ANKRD13C: variants seen among roughly 807,000 people sequenced by gnomAD.
The protein encoded by ANKRD13C is ankyrin repeat domain 13C.
ANKRD13C carries 16 observed loss-of-function variants against 65.5 expected under a neutral mutation model. That is an observed-to-expected ratio of 0.24 (90% CI 0.17 to 0.37). ANKRD13C has a LOEUF of 0.37. Ranked by LOEUF, ANKRD13C falls within the 10% of genes least tolerant of loss-of-function variation. The pLI, the probability that ANKRD13C is intolerant of heterozygous loss-of-function variation, is 1.00. For missense variants in ANKRD13C, 503 were observed against 655.9 expected (o/e 0.77, Z 2.55); for synonymous variants, 235 against 238.7 (o/e 0.98, Z 0.14).
chr1:70,316,149 C>T (rs1477148745), intron 3 of ANKRD13C, among the ~76,000 whole-genome samples: 4 of 152,110 alleles, frequency 2.6e-5, no homozygotes, highest in Non-Finnish European at 5.9e-5. Flanking sequence ...GGAGGATATA[C>T]CTTCACATAC....
chr1:70,274,881 G>A (rs895637057), intron 10 of ANKRD13C, 63 bp from the exon 11 acceptor site: 2 of 987,588 alleles, frequency 2.0e-6, no homozygotes, highest in Non-Finnish European at 3.2e-6. Flanking sequence ...TTCCTAAGAA[G>A]CATCTGTCAT....
At chr1:70,274,029 T>TA (rs141551880) in intron 11 of ANKRD13C, among the ~76,000 whole-genome samples, 2,321 of 152,240 alleles carry the variant, frequency 0.015, 56 homozygotes, top group African/African-American at 0.054. Context: ...ATTTTTATTT[T>TA]AAAAAATGCA....
At chr1:70,326,729 T>C (rs1681561580) in intron 2 of ANKRD13C, among the ~76,000 whole-genome samples, 1 of 152,094 alleles carries the variant, frequency 6.6e-6, no homozygotes, top group Non-Finnish European at 1.5e-5. Context: ...AACAGACATG[T>C]TGCATCTACA....
rs59618915 is a variant in ANKRD13C at position 70,326,231 on chromosome 1, C to CAAA, written c.473-1277_473-1275dup. 6.5e-3 allele frequency among the ~76,000 whole-genome samples: 202 copies of CAAA among 31,096 alleles called. 13 individuals carry two copies. The highest frequency in any genetic ancestry group is 0.011 in the East Asian group (10 of 876). 20.4% of individuals were successfully genotyped at this position (31,096 alleles called of 152,430 possible). ...GGGCAACAAGAGCCAAACTCTGTCT[C>CAAA]AAAAAAAAAAAAAAAAAAAAAAAAA... On this transcript the variant is annotated intron_variant, in intron 2 of 12. Transcript: ENST00000370944.
intron 9 of ANKRD13C, among the ~76,000 whole-genome samples, chr1:70,277,127 TA>T (rs2101147998): frequency 6.6e-6 from 1 of 152,314 alleles, no homozygotes; most frequent in Non-Finnish European, 1.5e-5. Flanking sequence ...CCTGTCATTA[TA>T]CTAGCTGCTG....
In ANKRD13C at chr1:70,260,764, G is replaced by A. The variant is rs576358087; in HGVS notation, c.*1953C>T. On this transcript the variant is annotated 3_prime_UTR_variant, in exon 13 of 13. Transcript: ENST00000370944. The stretch of plus-strand genomic sequence containing the variant: ...AAAGCTTTAAAAACAAAATTCAAGT[G>A]CAAAAATTTCCAGTAGTCTTCCTAC... The A allele has an allele frequency of 4.6e-5, 7 of 152,116 alleles. No individual in the cohort carries two copies. Among genetic ancestry groups the A allele is most frequent in the Admixed American group, 3.9e-4 (6 of 15,284 alleles). The allele number at this position is 152,116 out of a possible 1,614,324, so 9.4% of individuals were successfully genotyped here.
intron 12 of ANKRD13C, among the ~76,000 whole-genome samples, chr1:70,265,163 G>A (rs1223051417): frequency 1.3e-5 from 2 of 152,154 alleles, no homozygotes; most frequent in Non-Finnish European, 2.9e-5. Flanking sequence ...GGAAGGGTGT[G>A]ACCGGGGTAG....
At chr1:70,288,787 G>T (rs974058443) in intron 9 of ANKRD13C, among the ~76,000 whole-genome samples, 1 of 152,126 alleles carries the variant, frequency 6.6e-6, no homozygotes, top group African/African-American at 2.4e-5. Flanking sequence ...GTACATGAGG[G>T]ATCGTATGGT....
Position 70,262,642 on chromosome 1 carries a change from C to T in ANKRD13C, c.*75G>A. ...CCTTTTCTTCACTGAAAGCATTTGT[C>T]CCTTCTATTTGGATCCACTTCTAGG... is the stretch of plus-strand genomic sequence containing the variant. On this transcript the variant is annotated 3_prime_UTR_variant, in exon 13 of 13. Transcript: ENST00000370944. 7.0e-7 allele frequency: 1 copy of T among 1,433,446 alleles called. No individual in the cohort carries two copies. Among genetic ancestry groups the T allele is most frequent in the Non-Finnish European group, 9.3e-7 (1 of 1,069,956 alleles). The allele number at this position is 1,433,446 out of a possible 1,614,324, so 88.8% of individuals were successfully genotyped here.
At chr1:70,297,061 G>A (rs948306361) in intron 7 of ANKRD13C, among the ~76,000 whole-genome samples, 1 of 152,006 alleles carries the variant, frequency 6.6e-6, no homozygotes, top group Admixed American at 6.6e-5. Context: ...TATAAGATGA[G>A]ATTCTATTCC....
rs1174691165 is a variant in ANKRD13C at position 70,322,037 on chromosome 1, G to A, written c.577+2816C>T. Among the ~76,000 whole-genome samples the A allele has an allele frequency of 3.9e-5, 6 of 152,210 alleles. No individual in the cohort carries two copies. In the East Asian group the frequency reaches 7.7e-4, roughly 20 times the overall value. Reference sequence around the variant, plus strand: ...ATAATTTCAAAGTACAGACATAGCCGGGCATGGTGGCTCACGCCTGTAATC... The same window carrying A: ...ATAATTTCAAAGTACAGACATAGCCAGGCATGGTGGCTCACGCCTGTAATC... On this transcript the variant is annotated intron_variant, in intron 3 of 12. Transcript: ENST00000370944.
At chr1:70,271,498 T>A (rs1450699541) in intron 11 of ANKRD13C, among the ~76,000 whole-genome samples, 1 of 152,194 alleles carries the variant, frequency 6.6e-6, no homozygotes, top group Non-Finnish European at 1.5e-5. Context: ...TTGAAAAAAG[T>A]CCTACGACTG....
rs760152496 is a variant in ANKRD13C, at chr1:70,296,269, G to A, written c.922-8C>T. 8 of 1,604,354 alleles carry A rather than the reference G, an allele frequency of 5.0e-6. No homozygotes were observed. The South Asian group carries it at 6.8e-5, about 14-fold the overall frequency. On this transcript the variant is annotated splice_polypyrimidine_tract_variant and splice_region_variant and intron_variant, in intron 7 of 12. Transcript: ENST00000370944. ...TGTTTCCATCTCTGATTCCTGGGATGTGAGCAAAAGTTAAATATAAAAATC... is the reference window on the plus strand; with the variant it reads ...TGTTTCCATCTCTGATTCCTGGGATATGAGCAAAAGTTAAATATAAAAATC...
chr1:70,315,418 A>T (rs1173472829), intron 4 of ANKRD13C, 63 bp downstream of exon 4: 1 of 1,398,320 alleles, frequency 7.2e-7, no homozygotes, highest in Non-Finnish European at 9.8e-7. Context: ...TAAGAAAAAA[A>T]TGCTTAAAAC....
In ANKRD13C at chr1:70,354,651, TCA is replaced by T; in HGVS notation, c.-245_-244del. On this transcript the variant is annotated 5_prime_UTR_variant, in exon 1 of 13. Transcript: ENST00000370944. ...CTCAGGTGCCCACGACACCAGGATC[TCA>T]GTCTCGCCGTCGCAGCCGCCGTCGC... 1 of 962,722 alleles carries T rather than the reference TCA, an allele frequency of 1.0e-6. No individual in the cohort carries two copies. Among genetic ancestry groups the T allele is most frequent in the Non-Finnish European group, 1.5e-6 (1 of 670,202 alleles). The allele number at this position is 962,722 out of a possible 1,614,324, so 59.6% of individuals were successfully genotyped here.
chr1:70,325,957 C>G (rs1385104918), intron 2 of ANKRD13C, among the ~76,000 whole-genome samples: 1 of 152,102 alleles, frequency 6.6e-6, no homozygotes, highest in Non-Finnish European at 1.5e-5. Flanking sequence ...CCACGCCGGG[C>G]ACAGTGGCTC....
chr1:70,281,346 A>T (rs1177173115), intron 9 of ANKRD13C, among the ~76,000 whole-genome samples: 1 of 146,396 alleles, frequency 6.8e-6, no homozygotes, highest in Non-Finnish European at 1.5e-5. Flanking sequence ...CCTAGAATAG[A>T]CTCCTTTTCT....
At chr1:70,269,504 C>T (rs1163787076) in intron 12 of ANKRD13C, among the ~76,000 whole-genome samples, 4 of 152,152 alleles carry the variant, frequency 2.6e-5, no homozygotes, top group Admixed American at 2.6e-4. Flanking sequence ...ATATTTCCCT[C>T]ACCATAGAAA....
intron 1 of ANKRD13C, among the ~76,000 whole-genome samples, chr1:70,348,037 G>C (rs1558317556): frequency 6.6e-6 from 1 of 152,062 alleles, no homozygotes; most frequent in East Asian, 1.9e-4. Flanking sequence ...CCCTCTCCTG[G>C]TTAAAATTGT....
Sources: gnomAD v4.1 joint callset for allele counts (sites outside exome capture counted in the v4.1 genomes callset) on GRCh38, gnomAD v4.1.1 for gene constraint, MANE v1.5 for transcripts, NCBI Gene and HGNC (gene_info 2026-07-23, HGNC 2026-07-21) for gene names.